Variants in CDON observed in about 807,000 individuals in gnomAD.
The protein encoded by CDON is cell adhesion associated, oncogene regulated.
CDON carries 73 observed loss-of-function variants against 120.9 expected under a neutral mutation model. That is an observed-to-expected ratio of 0.60 (90% CI 0.50 to 0.73). The LOEUF is 0.73. Ranked by LOEUF, CDON falls within the 30% of genes least tolerant of loss-of-function variation. The pLI is 0.00. For synonymous variants in CDON, 566 were observed against 573.5 expected (o/e 0.99, Z 0.19); for missense variants, 1,470 against 1,587.3 (o/e 0.93, Z 1.26).
At chr11:126,035,445 T>C (rs932604085) in intron 1 of CDON, among the ~76,000 whole-genome samples, 2 of 152,136 alleles carry the variant, frequency 1.3e-5, no homozygotes, top group African/African-American at 4.8e-5. Context: ...CATAAAATAA[T>C]GGAAGAAATC....
intron 18 of CDON, among the ~76,000 whole-genome samples, chr11:125,969,877 A>G (rs1945914252): frequency 6.6e-6 from 1 of 152,268 alleles, no homozygotes; most frequent in Admixed American, 6.5e-5. Flanking sequence ...TTGGAAGAGT[A>G]GTGTAGGATT....
intron 13 of CDON, 136 bp from the exon 14 acceptor site, chr11:125,994,525 T>C (rs764707889): frequency 2.2e-5 from 15 of 676,584 alleles, no homozygotes; most frequent in Non-Finnish European, 3.4e-5. Flanking sequence ...ATTTTTAATT[T>C]ACTTCAAAGG....
chr11:125,971,767 G>C (rs892453583), intron 18 of CDON, among the ~76,000 whole-genome samples: 1 of 151,960 alleles, frequency 6.6e-6, no homozygotes, highest in East Asian at 1.9e-4. Context: ...GGGGTCTCTC[G>C]GTCCGTTCAT....
At chr11:126,046,464 G>A (rs1220467367) in intron 1 of CDON, among the ~76,000 whole-genome samples, 2 of 151,906 alleles carry the variant, frequency 1.3e-5, no homozygotes, top group African/African-American at 4.8e-5. Context: ...ACCAATCTGT[G>A]GGGTCAAAGA....
intron 1 of CDON, among the ~76,000 whole-genome samples, chr11:126,049,157 TAC>T (rs1192710312): frequency 6.6e-5 from 10 of 152,350 alleles, no homozygotes; most frequent in South Asian, 2.1e-4. Context: ...ATAAAAATAC[TAC>T]AGACAGTTTA....
intron 8 of CDON, among the ~76,000 whole-genome samples, chr11:126,009,607 G>T (rs537002228): frequency 8.1e-4 from 124 of 152,260 alleles, no homozygotes; most frequent in African/African-American, 2.9e-3. Flanking sequence ...CAGAGGCCAG[G>T]GTCAGAGACC....
chr11:126,041,502 T>C (rs1038236405), intron 1 of CDON, among the ~76,000 whole-genome samples: 1 of 152,192 alleles, frequency 6.6e-6, no homozygotes, highest in Non-Finnish European at 1.5e-5. Context: ...TTACTGAACA[T>C]AGTTGGGCTT....
At chr11:125,977,596 A>G (rs1946181930) in intron 18 of CDON, among the ~76,000 whole-genome samples, 2 of 152,234 alleles carry the variant, frequency 1.3e-5, no homozygotes, top group Non-Finnish European at 2.9e-5. Flanking sequence ...ATCATTATGT[A>G]AAAGAAAGAA....
intron 1 of CDON, among the ~76,000 whole-genome samples, chr11:126,033,171 T>A (rs1425277770): frequency 6.6e-6 from 1 of 152,118 alleles, no homozygotes; most frequent in Non-Finnish European, 1.5e-5. Flanking sequence ...CTCAGACAAG[T>A]GAGTGAGTGG....
rs1945659150 is a variant in CDON, at chr11:125,961,986, T to G, written c.3369A>C (p.Lys1123Asn). Residue 1123 changes from lysine (K) to asparagine (N), a missense_variant, in exon 19 of 20, where the codon AAA becomes AAC. Transcript: ENST00000531738. ...GGCTGCTGCTGAAAGTGCTGTTGGT[T>G]TTGGTGAAACACCTGCAGAGGTTAA... Reference protein sequence around the residue: ...NCRNNNRCFTKTNSTFSSSPP... With the variant: ...NCRNNNRCFTNTNSTFSSSPP... 1 of 1,614,036 alleles carries G rather than the reference T, an allele frequency of 6.2e-7. No individual in the cohort carries two copies. The highest frequency in any genetic ancestry group is 8.5e-7 in the Non-Finnish European group (1 of 1,180,024).
At position 125,958,561 on chromosome 11, in the gene CDON, A is replaced by ATGTGTGTGTGTGTGTGTG. The variant is rs886047954; in HGVS notation, c.*2380_*2381insCACACACACACACACACA. The ATGTGTGTGTGTGTGTGTG allele has an allele frequency of 1.3e-5, 1 of 77,184 alleles. No homozygotes were observed. Among genetic ancestry groups the ATGTGTGTGTGTGTGTGTG allele is most frequent in the African/African-American group, 5.1e-5 (1 of 19,714 alleles). The allele number at this position is 77,184 out of a possible 1,614,324, so 4.8% of individuals were successfully genotyped here. On this transcript the variant is annotated 3_prime_UTR_variant, in exon 20 of 20. Transcript: ENST00000531738. ...TATAAAGGCAATTATATATATATAT[A>ATGTGTGTGTGTGTGTGTG]TATATGTGTGTGTGTGTGTGTGTGT...
At chr11:126,042,163 C>T (rs1201442156) in intron 1 of CDON, among the ~76,000 whole-genome samples, 8 of 152,210 alleles carry the variant, frequency 5.3e-5, no homozygotes, top group Admixed American at 2.6e-4. Context: ...GGATTACAGG[C>T]GTGAGCCACC....
intron 18 of CDON, among the ~76,000 whole-genome samples, chr11:125,969,796 T>C (rs1306852730): frequency 1.3e-5 from 2 of 152,204 alleles, no homozygotes; most frequent in Non-Finnish European, 2.9e-5. Context: ...AAAATGACTA[T>C]TGTGGTATCA....
rs1945726269 is a variant in CDON, at chr11:125,964,166, C to T, written c.3357-2168G>A. 2.0e-5 allele frequency among the ~76,000 whole-genome samples: 3 copies of T among 152,164 alleles called. No homozygotes were observed. In the South Asian group the frequency reaches 6.2e-4, roughly 31 times the overall value. On this transcript the variant is annotated intron_variant, in intron 18 of 19. Coordinates refer to ENST00000531738, the MANE Select transcript of CDON (RefSeq NM_001378964.1). ...GAATGTATTCAATGCATGGAATCTA[C>T]AGACTCTAAACGGGGTGAAATGTGG...
intron 15 of CDON, among the ~76,000 whole-genome samples, chr11:125,988,110 G>C (rs1333285008): frequency 6.6e-6 from 1 of 152,072 alleles, no homozygotes; most frequent in Non-Finnish European, 1.5e-5. Context: ...ATTTTGTTTG[G>C]GTGTCTACCT....
At chr11:126,001,920 T>C (rs1946958862) in intron 10 of CDON, 70 bp from the exon 11 acceptor site, 4 of 1,151,474 alleles carry the variant, frequency 3.5e-6, no homozygotes, top group Middle Eastern at 2.0e-4. Context: ...AAAAGAGTAC[T>C]GTGAAACTTA....
chr11:125,993,752 G>A (rs1371758533), intron 14 of CDON, among the ~76,000 whole-genome samples: 4 of 152,196 alleles, frequency 2.6e-5, no homozygotes, highest in Non-Finnish European at 4.4e-5. Context: ...GCCAGGTCAG[G>A]TGGGGCCTTC....
At chr11:126,037,791 C>A (rs1012441563) in intron 1 of CDON, among the ~76,000 whole-genome samples, 1 of 152,046 alleles carries the variant, frequency 6.6e-6, no homozygotes, top group African/African-American at 2.4e-5. Context: ...AGAACACTTA[C>A]TTAGTATGGC....
At chr11:126,047,361 C>A (rs1948430737) in intron 1 of CDON, among the ~76,000 whole-genome samples, 1 of 152,162 alleles carries the variant, frequency 6.6e-6, no homozygotes, top group South Asian at 2.1e-4. Context: ...ACTCCCCTAA[C>A]TGCTCTCTTT....
Sources: allele counts gnomAD v4.1 joint callset (sites outside exome capture counted in the v4.1 genomes callset), GRCh38; gene constraint gnomAD v4.1.1; transcripts MANE v1.5; gene names NCBI Gene and HGNC (gene_info 2026-07-23, HGNC 2026-07-21).